CDK14: variants seen among roughly 807,000 people sequenced by gnomAD.
CDK14 encodes cyclin dependent kinase 14.
CDK14 carries 34 observed loss-of-function variants against 60.7 expected under a neutral mutation model. That is an observed-to-expected ratio of 0.56 (90% CI 0.43 to 0.75). The LOEUF is 0.75. Ranked by LOEUF, CDK14 falls within the 30% of genes least tolerant of loss-of-function variation. The pLI is 0.00. For missense variants in CDK14, 482 were observed against 564.1 expected (o/e 0.85, Z 1.47); for synonymous variants, 197 against 203.7 (o/e 0.97, Z 0.28).
chr7:91,130,996 A>C (rs1199557453), intron 14 of CDK14, among the ~76,000 whole-genome samples: 1 of 152,132 alleles, frequency 6.6e-6, no homozygotes, highest in Non-Finnish European at 1.5e-5. Context: ...GAAGTAACTC[A>C]TGGAAATCTG....
At chr7:91,161,904 GA>G (rs1801176943) in intron 14 of CDK14, among the ~76,000 whole-genome samples, 2 of 152,164 alleles carry the variant, frequency 1.3e-5, no homozygotes, top group Non-Finnish European at 2.9e-5. Flanking sequence ...TAAAGTTCAT[GA>G]AATGGCATGT....
At chr7:91,139,626 T>C (rs1800386009) in intron 14 of CDK14, among the ~76,000 whole-genome samples, 1 of 152,194 alleles carries the variant, frequency 6.6e-6, no homozygotes, top group Non-Finnish European at 1.5e-5. Context: ...AAGGATGCAG[T>C]GGCCAAAAGT....
intron 4 of CDK14, among the ~76,000 whole-genome samples, chr7:90,762,186 G>C (rs889699551): frequency 2.0e-5 from 3 of 152,164 alleles, no homozygotes; most frequent in African/African-American, 7.2e-5. Context: ...TAAAGAGCAG[G>C]CACAAGAGTG....
intron 5 of CDK14, among the ~76,000 whole-genome samples, chr7:90,851,434 A>G (rs191115351): frequency 6.6e-6 from 1 of 152,280 alleles, no homozygotes; most frequent in East Asian, 1.9e-4. Flanking sequence ...TAGAAGGTTG[A>G]GTGCATTTGA....
Position 90,649,342 on chromosome 7 carries a change from TTCC to T in CDK14, c.123+45095_123+45097del, listed in dbSNP as rs1300741058. Among the ~76,000 whole-genome samples, 77 of 50,258 alleles carry T rather than the reference TTCC, an allele frequency of 1.5e-3. 3 individuals carry two copies. Among genetic ancestry groups the T allele is most frequent in the Middle Eastern group, 0.015 (2 of 132 alleles). 33.0% of individuals were successfully genotyped at this position (50,258 alleles called of 152,430 possible). On this transcript the variant is annotated intron_variant, in intron 2 of 14. Transcript: ENST00000380050. ...CTTCCTTCCTTCCTTCCTTCCTTCCTTCCTTCCTTCCTTCCTTCCTTCCTTTCC... is the reference window on the plus strand; with the variant it reads ...CTTCCTTCCTTCCTTCCTTCCTTCCTTTCCTTCCTTCCTTCCTTCCTTTCC...
Position 91,025,506 on chromosome 7 carries a change from A to G in CDK14, c.1042-20391A>G, listed in dbSNP as rs181344106. Among the ~76,000 whole-genome samples the G allele has an allele frequency of 4.4e-3, 673 of 152,326 alleles. 4 individuals carry two copies. Among genetic ancestry groups the G allele is most frequent in the Non-Finnish European group, 5.5e-3 (371 of 68,034 alleles). On this transcript the variant is annotated intron_variant, in intron 10 of 14. Transcript: ENST00000380050. Reference sequence around the variant, plus strand: ...AATGACATTAATGTAAGCATGGTTCATGGAATGAGAAAGTGATGAAAATGA... The same window carrying G: ...AATGACATTAATGTAAGCATGGTTCGTGGAATGAGAAAGTGATGAAAATGA...
intron 8 of CDK14, among the ~76,000 whole-genome samples, chr7:90,937,448 TTCA>T (rs1793790022): frequency 6.6e-6 from 1 of 152,212 alleles, no homozygotes. Context: ...GTAGAACACT[TTCA>T]TCATCTCAGA....
At chr7:90,940,703 T>C (rs1320027987) in intron 8 of CDK14, among the ~76,000 whole-genome samples, 3 of 152,064 alleles carry the variant, frequency 2.0e-5, no homozygotes, top group African/African-American at 7.2e-5. Flanking sequence ...GGAAGGTCGC[T>C]TGAGCCCGGG....
At chr7:90,951,671 A>G (rs1304912405) in intron 8 of CDK14, among the ~76,000 whole-genome samples, 1 of 152,220 alleles carries the variant, frequency 6.6e-6, no homozygotes, top group South Asian at 2.1e-4. Context: ...TTAAATGTAC[A>G]TGGAATATAA....
At chr7:91,025,056 T>C (rs1287125377) in intron 10 of CDK14, among the ~76,000 whole-genome samples, 1 of 152,144 alleles carries the variant, frequency 6.6e-6, no homozygotes, top group East Asian at 1.9e-4. Context: ...CTCAACTGCT[T>C]TGAGACACAG....
intron 6 of CDK14, among the ~76,000 whole-genome samples, chr7:90,897,850 T>G (rs1318255096): frequency 6.6e-6 from 1 of 152,114 alleles, no homozygotes; most frequent in Non-Finnish European, 1.5e-5. Flanking sequence ...TTTTTCTCTT[T>G]GTCTGACATT....
intron 2 of CDK14, among the ~76,000 whole-genome samples, chr7:90,712,021 G>A (rs1162453851): frequency 6.6e-6 from 1 of 151,112 alleles, no homozygotes; most frequent in Non-Finnish European, 1.5e-5. Context: ...ACTGCACGCA[G>A]CTACAGTCTA....
intron 12 of CDK14, among the ~76,000 whole-genome samples, chr7:91,085,662 C>G (rs1194712104): frequency 6.6e-6 from 1 of 152,134 alleles, no homozygotes; most frequent in East Asian, 1.9e-4. Flanking sequence ...TGAAGCAGAG[C>G]ACAGGGGAGC....
chr7:91,008,181 T>C (rs543336601), intron 10 of CDK14, among the ~76,000 whole-genome samples: 1 of 147,180 alleles, frequency 6.8e-6, no homozygotes, highest in Admixed American at 6.8e-5. Flanking sequence ...GGAGGCAGCA[T>C]TCGTTGCAGT....
chr7:90,694,764 T>C (rs78904580), intron 2 of CDK14, among the ~76,000 whole-genome samples: 1,696 of 152,318 alleles, frequency 0.011, 31 homozygotes, highest in African/African-American at 0.039. Context: ...TGATTAAAAA[T>C]TGAAAATATT....
intron 11 of CDK14, among the ~76,000 whole-genome samples, chr7:91,076,372 C>T (rs1798319500): frequency 6.7e-6 from 1 of 149,708 alleles, no homozygotes; most frequent in African/African-American, 2.4e-5. Context: ...TGATCTTCGA[C>T]AAACCTGACA....
At chr7:90,724,199 C>G (rs941427823) in intron 2 of CDK14, among the ~76,000 whole-genome samples, 2 of 151,294 alleles carry the variant, frequency 1.3e-5, no homozygotes, top group Admixed American at 6.6e-5. Flanking sequence ...TTGGTTTCAT[C>G]TAAGTTGTGG....
chr7:91,037,167 A>G (rs1796955966), intron 10 of CDK14, among the ~76,000 whole-genome samples: 1 of 152,198 alleles, frequency 6.6e-6, no homozygotes, highest in Admixed American at 6.5e-5. Flanking sequence ...TATAGCTATC[A>G]CATTTTCCTG....
At chr7:90,733,305 A>G (rs1390809406) in intron 3 of CDK14, among the ~76,000 whole-genome samples, 2 of 152,086 alleles carry the variant, frequency 1.3e-5, no homozygotes, top group African/African-American at 4.8e-5. Flanking sequence ...AGAGGAATGT[A>G]TATTCTGTTG....
Sources: allele counts gnomAD v4.1 joint callset (sites outside exome capture counted in the v4.1 genomes callset), GRCh38; gene constraint gnomAD v4.1.1; transcripts MANE v1.5; gene names NCBI Gene and HGNC (gene_info 2026-07-23, HGNC 2026-07-21).